The following KSR2 variants were observed in gnomAD, a reference collection of about 807,000 sequenced individuals.
KSR2 encodes kinase suppressor of ras 2.
In KSR2, 25 loss-of-function variants were observed where a neutral mutation model predicts 107.8. The ratio of observed to expected loss-of-function variants is 0.23; its 90% CI spans 0.17 to 0.32. The LOEUF (loss-of-function observed/expected upper bound fraction) is 0.32, where lower values mean the gene tolerates loss of function less well. Among genes scored for constraint, KSR2 ranks in the 10% least tolerant of loss-of-function variants. The pLI, the probability that KSR2 is intolerant of heterozygous loss-of-function variation, is 1.00. For synonymous variants in KSR2, 480 were observed against 507.0 expected (o/e 0.95, Z 0.71); for missense variants, 887 against 1,268.9 (o/e 0.70, Z 4.57).
intron 2 of KSR2, 58 bp from the exon 3 acceptor site, chr12:117,855,636 C>T (rs1471556107): frequency 1.2e-5 from 19 of 1,566,546 alleles, no homozygotes; most frequent in Non-Finnish European, 1.4e-5. Context: ...TCTGCCTCCA[C>T]GCTGCCCTGT....
chr12:117,639,284 T>C (rs1691015821), intron 5 of KSR2, among the ~76,000 whole-genome samples: 2 of 151,752 alleles, frequency 1.3e-5, no homozygotes, highest in African/African-American at 4.8e-5. Flanking sequence ...CATACACACA[T>C]ATGTGTGTAT....
intron 4 of KSR2, among the ~76,000 whole-genome samples, chr12:117,727,463 A>G (rs1887477506): frequency 1.6e-5 from 2 of 124,944 alleles, no homozygotes; most frequent in Admixed American, 1.9e-4. Flanking sequence ...GAGGAGGAAG[A>G]GGAGGAGAAA....
At chr12:117,488,152 C>T (rs1174516329) in intron 14 of KSR2, among the ~76,000 whole-genome samples, 1 of 152,170 alleles carries the variant, frequency 6.6e-6, no homozygotes, top group Non-Finnish European at 1.5e-5. Context: ...TCCCCTTTGC[C>T]TCCCATCATA....
chr12:117,755,390 G>A (rs976077964), intron 4 of KSR2, among the ~76,000 whole-genome samples: 2 of 152,096 alleles, frequency 1.3e-5, no homozygotes, highest in Admixed American at 1.3e-4. Context: ...GTCACATTTT[G>A]GTCATTCTAG....
chr12:117,865,296 A>T (rs1238914707), intron 1 of KSR2, among the ~76,000 whole-genome samples: 1 of 152,196 alleles, frequency 6.6e-6, no homozygotes, highest in Non-Finnish European at 1.5e-5. Flanking sequence ...AATCCATCCT[A>T]TTTATAGAAA....
chr12:117,748,248 G>A (rs977767892), intron 4 of KSR2, among the ~76,000 whole-genome samples: 7 of 152,138 alleles, frequency 4.6e-5, no homozygotes, highest in African/African-American at 1.7e-4. Flanking sequence ...AGTCAAACTC[G>A]TAAAAGTAGA....
At chr12:117,632,225 T>TC (rs1882842198) in intron 5 of KSR2, among the ~76,000 whole-genome samples, 1 of 137,360 alleles carries the variant, frequency 7.3e-6, no homozygotes, top group Non-Finnish European at 1.6e-5. Context: ...CTCCTTTTTT[T>TC]TTTTTTTTTT....
At chr12:117,658,557 T>C (rs377243709) in intron 5 of KSR2, among the ~76,000 whole-genome samples, 3 of 152,156 alleles carry the variant, frequency 2.0e-5, no homozygotes, top group East Asian at 1.9e-4. Context: ...ACAGAAATCA[T>C]ACAGCCTGCA....
intron 5 of KSR2, among the ~76,000 whole-genome samples, chr12:117,619,165 G>A (rs1882036570): frequency 6.6e-6 from 1 of 151,724 alleles, no homozygotes; most frequent in Non-Finnish European, 1.5e-5. Context: ...CTCTTTCCTG[G>A]CAACATTTCT....
chr12:117,504,592 C>G (rs1377645969), intron 14 of KSR2, among the ~76,000 whole-genome samples: 3 of 152,180 alleles, frequency 2.0e-5, no homozygotes, highest in Non-Finnish European at 4.4e-5. Context: ...TCTTAACAAG[C>G]AAATGCCCAG....
intron 3 of KSR2, among the ~76,000 whole-genome samples, chr12:117,767,935 G>C (rs1350625090): frequency 1.2e-4 from 18 of 152,110 alleles, no homozygotes; most frequent in Admixed American, 2.6e-4. Context: ...CAGAGAGGGA[G>C]GTGGTCTCCT....
chr12:117,952,782 G>C (rs1479046417), intron 1 of KSR2, among the ~76,000 whole-genome samples: 1 of 150,932 alleles, frequency 6.6e-6, no homozygotes, highest in African/African-American at 2.4e-5. Context: ...TCAAGAGTTC[G>C]AGACCAGCCT....
intron 3 of KSR2, among the ~76,000 whole-genome samples, chr12:117,846,003 C>T (rs951119640): frequency 1.3e-5 from 2 of 151,814 alleles, no homozygotes; most frequent in African/African-American, 4.8e-5. Context: ...ACTGAGATCT[C>T]TCCAAAGAAA....
At chr12:117,865,097 T>A (rs1893429143) in intron 1 of KSR2, among the ~76,000 whole-genome samples, 1 of 151,160 alleles carries the variant, frequency 6.6e-6, no homozygotes, top group Non-Finnish European at 1.5e-5. Context: ...ATTTAAAAAA[T>A]AAAATAAAAA....
intron 4 of KSR2, among the ~76,000 whole-genome samples, chr12:117,697,961 T>C (rs1184970906): frequency 6.6e-6 from 1 of 151,954 alleles, no homozygotes; most frequent in Non-Finnish European, 1.5e-5. Flanking sequence ...AGGGGAAACT[T>C]GGACACAGAG....
chr12:117,694,874 G>T (rs1885987260), intron 4 of KSR2, among the ~76,000 whole-genome samples: 1 of 127,492 alleles, frequency 7.8e-6, no homozygotes, highest in Non-Finnish European at 1.6e-5. Context: ...TTTTGAGATG[G>T]AGCCTCACTC....
rs368678516 is a variant in KSR2 at position 117,761,079 on chromosome 12, G to A, written c.918C>T (p.Thr306=). 8.1e-6 allele frequency: 13 copies of A among 1,613,660 alleles called. No individual in the cohort carries two copies. Among genetic ancestry groups the A allele is most frequent in the African/African-American group, 6.7e-5 (5 of 74,930 alleles). The change falls in exon 4 of 20, where the codon ACC becomes ACT. Residue 306 remains threonine (T), a synonymous_variant. Coordinates refer to ENST00000339824, the MANE Select transcript of KSR2 (RefSeq NM_173598.6). ...RKLIHLIPGF[T]ALHRSKSHEF... is the part of the protein sequence containing the mutation. The stretch of plus-strand genomic sequence containing the variant: ...CGTGGGATTTGCTCCGATGCAGCGC[G>A]GTGAATCCCGGGATCAAGTGTATCA...
intron 4 of KSR2, among the ~76,000 whole-genome samples, chr12:117,694,370 C>T (rs765720427): frequency 1.3e-5 from 2 of 152,160 alleles, no homozygotes; most frequent in Non-Finnish European, 2.9e-5. Context: ...TCTCTCTTGC[C>T]TGCCACCATG....
intron 5 of KSR2, among the ~76,000 whole-genome samples, chr12:117,600,915 C>T (rs1031102936): frequency 1.3e-5 from 2 of 152,056 alleles, no homozygotes; most frequent in East Asian, 1.9e-4. Flanking sequence ...TCCTATGTTC[C>T]GGAAAGAGCG....
Sources: allele counts gnomAD v4.1 joint callset (sites outside exome capture counted in the v4.1 genomes callset), GRCh38; gene constraint gnomAD v4.1.1; transcripts MANE v1.5; gene names NCBI Gene and HGNC (gene_info 2026-07-23, HGNC 2026-07-21).